The following EYS variants were observed in gnomAD, a reference collection of about 807,000 sequenced individuals.
The protein encoded by EYS is EGF-like photoreceptor maintenance factor.
A neutral mutation model predicts 282.1 loss-of-function variants in EYS; 250 were observed. That is an observed-to-expected ratio of 0.89 (90% CI 0.80 to 0.98). The LOEUF is 0.98. Among genes scored for constraint, EYS ranks in the 50% least tolerant of loss-of-function variants. The pLI is 0.00. For missense variants in EYS, 4,016 were observed against 3,709.0 expected, an observed-to-expected ratio of 1.08 and a Z score of -2.15; for synonymous variants, 1,355 against 1,282.9, an observed-to-expected ratio of 1.06 and a Z score of -1.20.
intron 22 of EYS, among the ~76,000 whole-genome samples, chr6:64,642,382 C>CCAT (rs1392367431): frequency 2.6e-5 from 4 of 151,818 alleles, no homozygotes; most frequent in Non-Finnish European, 4.4e-5. Flanking sequence ...ATTTAATGTG[C>CCAT]CATTATATAT....
chr6:64,004,640 C>T (rs545576349), intron 33 of EYS, among the ~76,000 whole-genome samples: 261 of 152,198 alleles, frequency 1.7e-3, no homozygotes, highest in Non-Finnish European at 2.4e-3. Flanking sequence ...CTCCAGTGTC[C>T]GTTGTTGCCT....
Position 64,591,626 on chromosome 6 carries a change from C to T in EYS, c.4241G>A (p.Cys1414Tyr), listed in dbSNP as rs1442314180. ...FPTQSLLFEN[C>Y]QTVALSATPT... Reference sequence around the variant, plus strand: ...GGTAGCAGATAAAGCAACAGTCTGACAGTTCTCAAATAATAAAGATTGTGT... The same window carrying T: ...GGTAGCAGATAAAGCAACAGTCTGATAGTTCTCAAATAATAAAGATTGTGT... Residue 1414 changes from cysteine (C) to tyrosine (Y), a missense_variant, in exon 26 of 43, where the codon TGT (cysteine) becomes TAT (tyrosine). By Grantham distance (194) the Cys-to-Tyr change is radical. Coordinates refer to ENST00000503581, the MANE Select transcript of EYS (RefSeq NM_001142800.2). The T allele has an allele frequency of 6.4e-7, 1 of 1,551,134 alleles. No homozygotes were observed.
intron 12 of EYS, among the ~76,000 whole-genome samples, chr6:65,166,629 C>A (rs373389485): frequency 6.6e-6 from 1 of 151,160 alleles, no homozygotes; most frequent in African/African-American, 2.4e-5. Context: ...AGAAGCAAAT[C>A]TATGAATACA....
At chr6:63,806,157 G>C in intron 37 of EYS, 33 bp downstream of exon 37, 1 of 1,514,110 alleles carries the variant, frequency 6.6e-7, no homozygotes, top group Non-Finnish European at 8.9e-7. Context: ...TTAAAGGAGC[G>C]AGGCAAGTCC....
chr6:64,508,341 G>A lies in EYS; in HGVS notation c.5645-68989C>T, dbSNP rs115920387. ...TATAAATTCCAAATAAAGCCATGCA[G>A]AGTAACTCAAACAGTATTTCCCTAG... On this transcript the variant is annotated intron_variant, in intron 26 of 42. Transcript: ENST00000503581. 3.4e-3 allele frequency among the ~76,000 whole-genome samples: 517 copies of A among 151,908 alleles called. 1 individual carries two copies. The highest frequency in any genetic ancestry group is 5.0e-3 in the Non-Finnish European group (341 of 67,940).
intron 1 of EYS, among the ~76,000 whole-genome samples, chr6:65,657,861 T>C (rs1211606042): frequency 1.3e-5 from 2 of 151,782 alleles, no homozygotes; most frequent in Non-Finnish European, 3.0e-5. Context: ...TCAAACTTTA[T>C]TGTTGTCTTA....
At chr6:64,963,485 G>C (rs545407757) in intron 14 of EYS, among the ~76,000 whole-genome samples, 1 of 152,200 alleles carries the variant, frequency 6.6e-6, no homozygotes, top group East Asian at 1.9e-4. Flanking sequence ...CTTGAATATT[G>C]TCAACAGTGA....
intron 12 of EYS, among the ~76,000 whole-genome samples, chr6:65,138,551 A>G (rs1042875137): frequency 3.3e-5 from 5 of 152,080 alleles, no homozygotes; most frequent in Non-Finnish European, 7.4e-5. Flanking sequence ...AGAAAACTGA[A>G]AGTTGGAGGG....
rs1457772668 is a variant in EYS, at chr6:64,388,840, C to T, written c.5928G>A (p.Arg1976=). The T allele has an allele frequency of 6.7e-7, 1 of 1,484,686 alleles. No homozygotes were observed. Among genetic ancestry groups the T allele is most frequent in the Admixed American group, 2.4e-5 (1 of 41,306 alleles). The allele number at this position is 1,484,686 out of a possible 1,614,324, so 92.0% of individuals were successfully genotyped here. A position where few individuals can be genotyped will look rare whatever the true frequency, so the allele number is the denominator to read the frequency against. ...CAGCGTTACATGGATCCAATTCTTG[C>T]CTGTAACCATTTAAGAAAGAAATGG... ...DNGQKYTLLI[R]QELDPCNAEL... is the part of the protein sequence containing the mutation. The change falls in exon 29 of 43, where the codon AGG becomes AGA. Residue 1976 remains arginine, a splice_region_variant and synonymous_variant. Coordinates refer to ENST00000503581, the MANE Select transcript of EYS (RefSeq NM_001142800.2).
chr6:64,068,938 G>A (rs1358041844), intron 32 of EYS, among the ~76,000 whole-genome samples: 1 of 144,678 alleles, frequency 6.9e-6, no homozygotes, highest in Non-Finnish European at 1.5e-5. Flanking sequence ...ATCTCGGTGG[G>A]CCTTAAACAT....
chr6:64,236,233 A>G (rs531486456), intron 30 of EYS, among the ~76,000 whole-genome samples: 8 of 152,278 alleles, frequency 5.3e-5, no homozygotes, highest in Admixed American at 1.3e-4. Context: ...TTGGCCTCCC[A>G]AAGGGCTGGG....
chr6:64,948,619 A>C (rs1306918761), intron 14 of EYS, among the ~76,000 whole-genome samples: 1 of 147,444 alleles, frequency 6.8e-6, no homozygotes, highest in Non-Finnish European at 1.5e-5. Context: ...ATTAAATAAT[A>C]GTAAATACTA....
chr6:63,826,436 T>G (rs1051589580), intron 36 of EYS, among the ~76,000 whole-genome samples: 5 of 152,182 alleles, frequency 3.3e-5, no homozygotes, highest in African/African-American at 1.2e-4. Context: ...CTAGGCACAT[T>G]GTCATCAGGT....
chr6:64,825,628 T>C, intron 19 of EYS, among the ~76,000 whole-genome samples: 1 of 151,886 alleles, frequency 6.6e-6, no homozygotes, highest in East Asian at 1.9e-4. Flanking sequence ...CAGAATCCAA[T>C]GAGGCGATGG....
chr6:65,562,174 T>C (rs965915188), intron 2 of EYS, among the ~76,000 whole-genome samples: 1 of 152,022 alleles, frequency 6.6e-6, no homozygotes, highest in African/African-American at 2.4e-5. Flanking sequence ...AAGCTATGTT[T>C]GTTCAAGAGG....
chr6:65,038,503 C>G (rs1227135448), intron 13 of EYS, among the ~76,000 whole-genome samples: 1 of 151,068 alleles, frequency 6.6e-6, no homozygotes, highest in Admixed American at 6.6e-5. Flanking sequence ...TTTTTTGTTT[C>G]CAAATCTGGG....
chr6:65,624,442 G>C (rs1255340463), intron 2 of EYS, among the ~76,000 whole-genome samples: 1 of 152,164 alleles, frequency 6.6e-6, no homozygotes, highest in Admixed American at 6.5e-5. Context: ...AAGGAGGAGA[G>C]CCTTTTTTCA....
intron 28 of EYS, among the ~76,000 whole-genome samples, chr6:64,425,466 C>A (rs1774372724): frequency 6.6e-6 from 1 of 151,822 alleles, no homozygotes; most frequent in Admixed American, 6.6e-5. Context: ...ACCAGACTGG[C>A]CCACATGGCA....
At chr6:65,373,912 C>G (rs538306755) in intron 8 of EYS, among the ~76,000 whole-genome samples, 6 of 152,238 alleles carry the variant, frequency 3.9e-5, no homozygotes, top group Admixed American at 6.5e-5. Context: ...GGACTTATTA[C>G]AAGTCATATT....
Sources: allele counts gnomAD v4.1 joint callset (sites outside exome capture counted in the v4.1 genomes callset), GRCh38; gene constraint gnomAD v4.1.1; transcripts MANE v1.5; gene names NCBI Gene and HGNC (gene_info 2026-07-23, HGNC 2026-07-21).